The following TTLL11 variants were observed in gnomAD, a reference collection of about 807,000 sequenced individuals.
The protein encoded by TTLL11 is tubulin polyglutamylase TTLL11.
In TTLL11, 42 loss-of-function variants were observed where a neutral mutation model predicts 51.7. The ratio of observed to expected loss-of-function variants is 0.81; its 90% CI spans 0.64 to 1.05. The LOEUF is 1.05. TTLL11 is among the 50% of genes least tolerant of loss of function. The pLI, the probability that TTLL11 is intolerant of heterozygous loss-of-function variation, is 0.00. For missense variants in TTLL11, 799 were observed against 940.4 expected (o/e 0.85, Z 1.97); for synonymous variants, 381 against 383.5 (o/e 0.99, Z 0.08).
chr9:121,940,674 C>A (rs1841421035), intron 6 of TTLL11, among the ~76,000 whole-genome samples: 1 of 152,114 alleles, frequency 6.6e-6, no homozygotes, highest in African/African-American at 2.4e-5. Context: ...CTCCTTCACT[C>A]ACCCACACAC....
In TTLL11 at chr9:122,092,891, G is replaced by A. The variant is rs1350705478; in HGVS notation, c.258C>T (p.Pro86=). The A allele has an allele frequency of 3.2e-6, 5 of 1,569,216 alleles. No individual in the cohort carries two copies. The South Asian group carries it at 4.7e-5, about 15-fold the overall frequency. The change falls in exon 1 of 9, where the codon CCC becomes CCT. Residue 86 remains proline (P), a synonymous_variant. Transcript: ENST00000321582. ...GCTTCGGCTTGGACGGGGGCAGCGT[G>A]GGCGGCGGCCGCTGAAGGACCTGGG... ...GNTQVLQRPP[P]TLPPSKPKPV...
chr9:121,979,409 T>C (rs1204321189), intron 4 of TTLL11, among the ~76,000 whole-genome samples: 1 of 152,248 alleles, frequency 6.6e-6, no homozygotes, highest in Admixed American at 6.5e-5. Context: ...TTTGTTGTTT[T>C]AAGCTGTTAA....
chr9:121,876,898 C>T (rs978732914), intron 6 of TTLL11, among the ~76,000 whole-genome samples: 27 of 152,290 alleles, frequency 1.8e-4, no homozygotes, highest in African/African-American at 4.3e-4. Flanking sequence ...GATTCTGATA[C>T]GGGCTAAGGT....
chr9:122,073,558 G>A (rs529201317), intron 1 of TTLL11, among the ~76,000 whole-genome samples: 3 of 152,274 alleles, frequency 2.0e-5, no homozygotes, highest in Non-Finnish European at 4.4e-5. Flanking sequence ...GAAGGAGCTG[G>A]GAAGGCTTCT....
chr9:122,030,716 G>T (rs1365345940), intron 3 of TTLL11, among the ~76,000 whole-genome samples: 1 of 145,976 alleles, frequency 6.9e-6, no homozygotes, highest in Non-Finnish European at 1.5e-5. Context: ...GAGGTCAGGA[G>T]ATCGAGACCA....
At chr9:121,823,762 A>G (rs893114746) in intron 8 of TTLL11, among the ~76,000 whole-genome samples, 4 of 152,174 alleles carry the variant, frequency 2.6e-5, no homozygotes, top group African/African-American at 9.7e-5. Flanking sequence ...AAATAAACCC[A>G]ACTGTCATTT....
chr9:122,061,927 C>T (rs934285947), intron 1 of TTLL11, among the ~76,000 whole-genome samples: 18 of 152,280 alleles, frequency 1.2e-4, no homozygotes, highest in African/African-American at 4.3e-4. Flanking sequence ...TGAGCCACTG[C>T]ACCCAGCCGA....
intron 8 of TTLL11, among the ~76,000 whole-genome samples, chr9:121,842,426 G>A (rs1205113964): frequency 6.6e-6 from 1 of 152,070 alleles, no homozygotes; most frequent in Non-Finnish European, 1.5e-5. Context: ...CCTGGCTAAT[G>A]TTTTTGTAAC....
chr9:122,029,845 C>T (rs1844474955), intron 3 of TTLL11, among the ~76,000 whole-genome samples: 2 of 152,174 alleles, frequency 1.3e-5, no homozygotes, highest in African/African-American at 4.8e-5. Flanking sequence ...AAGCTCCATT[C>T]ATGGGAAGTA....
intron 6 of TTLL11, among the ~76,000 whole-genome samples, chr9:121,901,043 GGGATTACA>G (rs1330695413): frequency 6.6e-6 from 1 of 152,134 alleles, no homozygotes; most frequent in African/African-American, 2.4e-5. Context: ...CCAAAGTGCT[GGGATTACA>G]GGAGTGAGCC....
At chr9:121,834,756 T>C (rs137996774) in intron 8 of TTLL11, among the ~76,000 whole-genome samples, 1,981 of 150,686 alleles carry the variant, frequency 0.013, 52 homozygotes, top group African/African-American at 0.046. Context: ...GAACCCAGGA[T>C]AGGGAGGTTG....
At chr9:121,872,476 G>C (rs1015196961) in intron 6 of TTLL11, among the ~76,000 whole-genome samples, 3 of 152,194 alleles carry the variant, frequency 2.0e-5, no homozygotes, top group African/African-American at 7.2e-5. Context: ...GTTTGAGAAA[G>C]TTTCATTGAA....
intron 1 of TTLL11, among the ~76,000 whole-genome samples, chr9:122,060,142 G>A (rs1845402069): frequency 6.6e-6 from 1 of 152,148 alleles, no homozygotes; most frequent in African/African-American, 2.4e-5. Context: ...CAGGGGCGAT[G>A]TCTTATCATA....
intron 1 of TTLL11, among the ~76,000 whole-genome samples, chr9:122,048,565 C>T (rs1845078734): frequency 6.6e-6 from 1 of 152,190 alleles, no homozygotes; most frequent in South Asian, 2.1e-4. Context: ...AGGCTAAGCT[C>T]CAAGCCTCAT....
chr9:121,939,558 T>A (rs1043085050), intron 6 of TTLL11, among the ~76,000 whole-genome samples: 1 of 152,062 alleles, frequency 6.6e-6, no homozygotes, highest in Non-Finnish European at 1.5e-5. Flanking sequence ...TAGCAGTAGA[T>A]GATTTATTTT....
chr9:121,983,313 T>G (rs1842866310), intron 4 of TTLL11, among the ~76,000 whole-genome samples: 5 of 152,196 alleles, frequency 3.3e-5, no homozygotes, highest in Admixed American at 6.5e-5. Flanking sequence ...ACGTGTTCAG[T>G]GTTTGATGGC....
chr9:122,034,632 A>G (rs755223705), intron 2 of TTLL11, among the ~76,000 whole-genome samples: 9 of 152,028 alleles, frequency 5.9e-5, no homozygotes, highest in African/African-American at 4.8e-5. Context: ...CCTCACTAGA[A>G]CCCACATGGA....
intron 6 of TTLL11, among the ~76,000 whole-genome samples, chr9:121,895,968 GGGTGTGTGTC>G (rs1222249593): frequency 7.3e-5 from 8 of 110,228 alleles, no homozygotes; most frequent in South Asian, 9.2e-4. Flanking sequence ...GTGTGGGTGT[GGGTGTGTGTC>G]TGTGGTGGGT....
Position 122,093,282 on chromosome 9 carries a change from C to T in TTLL11, c.-134G>A. 6.4e-7 allele frequency: 1 copy of T among 1,563,788 alleles called. No individual in the cohort carries two copies. The highest frequency in any genetic ancestry group is 8.6e-7 in the Non-Finnish European group (1 of 1,164,776). ...CCGCCCGAGCCCGTTGCCATGATCGCTCAGGCTCGGGTTGACAGCGGCAGT... is the reference window on the plus strand; with the variant it reads ...CCGCCCGAGCCCGTTGCCATGATCGTTCAGGCTCGGGTTGACAGCGGCAGT... On this transcript the variant is annotated 5_prime_UTR_variant, in exon 1 of 9. Coordinates refer to ENST00000321582, the MANE Select transcript of TTLL11 (RefSeq NM_001139442.2).
Sources: gnomAD v4.1 joint callset for allele counts (sites outside exome capture counted in the v4.1 genomes callset) on GRCh38, gnomAD v4.1.1 for gene constraint, MANE v1.5 for transcripts, NCBI Gene and HGNC (gene_info 2026-07-23, HGNC 2026-07-21) for gene names.